The following NRG3 variants were observed in gnomAD, a reference collection of about 807,000 sequenced individuals.
The protein encoded by NRG3 is pro-neuregulin-3, membrane-bound isoform.
In NRG3, 31 loss-of-function variants were observed where a neutral mutation model predicts 66.9. The ratio of observed to expected loss-of-function variants is 0.46; its 90% CI spans 0.35 to 0.63. NRG3 has a LOEUF of 0.63. Among genes scored for constraint, NRG3 ranks in the 20% least tolerant of loss-of-function variants. NRG3 has a pLI of 0.00. For synonymous variants in NRG3, 393 were observed against 359.4 expected (o/e 1.09, Z -1.06); for missense variants, 910 against 878.9 (o/e 1.04, Z -0.45).
At chr10:81,963,790 A>G (rs907316889) in intron 1 of NRG3, among the ~76,000 whole-genome samples, 1 of 152,158 alleles carries the variant, frequency 6.6e-6, no homozygotes, top group Non-Finnish European at 1.5e-5. Context: ...GTGGAGTTAC[A>G]TGCTTTGTTG....
At chr10:82,011,479 A>G (rs1269570122) in intron 1 of NRG3, among the ~76,000 whole-genome samples, 2 of 152,084 alleles carry the variant, frequency 1.3e-5, no homozygotes, top group African/African-American at 2.4e-5. Context: ...TGAAAACACA[A>G]TCATGCCCTT....
chr10:82,117,214 A>G (rs2067782579), intron 1 of NRG3, among the ~76,000 whole-genome samples: 1 of 152,048 alleles, frequency 6.6e-6, no homozygotes, highest in African/African-American at 2.4e-5. Context: ...GATTTTCTCT[A>G]TGAGTTCTCC....
chr10:82,629,553 A>G lies in NRG3; in HGVS notation c.954-109024A>G, dbSNP rs139813111. Among the ~76,000 whole-genome samples the G allele has an allele frequency of 3.7e-3, 570 of 152,322 alleles. 3 individuals carry two copies. Among genetic ancestry groups the G allele is most frequent in the South Asian group, 0.018 (87 of 4,826 alleles). On this transcript the variant is annotated intron_variant, in intron 2 of 8. Coordinates refer to ENST00000372141, the MANE Select transcript of NRG3 (RefSeq NM_001010848.4). ...ATACAGGAGAGACAGAAGTATTTCTATCCATGGTAGAACTTTCTAAGCAAG... is the reference window on the plus strand; with the variant it reads ...ATACAGGAGAGACAGAAGTATTTCTGTCCATGGTAGAACTTTCTAAGCAAG...
At chr10:82,602,218 AAT>A (rs1457429865) in intron 2 of NRG3, among the ~76,000 whole-genome samples, 1 of 151,990 alleles carries the variant, frequency 6.6e-6, no homozygotes. Flanking sequence ...TTTTCCCATT[AAT>A]ATGTTTCTTC....
chr10:82,094,630 G>C (rs557551296), intron 1 of NRG3, among the ~76,000 whole-genome samples: 21 of 152,066 alleles, frequency 1.4e-4, no homozygotes, highest in Non-Finnish European at 2.4e-4. Flanking sequence ...TGTGATGTGT[G>C]TATATATATC....
At chr10:81,898,013 G>A (rs1843680442) in intron 1 of NRG3, among the ~76,000 whole-genome samples, 1 of 152,164 alleles carries the variant, frequency 6.6e-6, no homozygotes, top group Admixed American at 6.5e-5. Flanking sequence ...TAGAGGGAAG[G>A]GTAATGGCAG....
chr10:82,606,398 T>C (rs1247142374), intron 2 of NRG3, among the ~76,000 whole-genome samples: 1 of 152,192 alleles, frequency 6.6e-6, no homozygotes, highest in Non-Finnish European at 1.5e-5. Flanking sequence ...ATGATTTCTG[T>C]TCTTTTAAAT....
chr10:81,982,557 T>C (rs1397643695), intron 1 of NRG3, among the ~76,000 whole-genome samples: 3 of 152,214 alleles, frequency 2.0e-5, no homozygotes, highest in Non-Finnish European at 4.4e-5. Flanking sequence ...ATGTATTTTC[T>C]CATGGTTAGG....
chr10:82,385,633 A>T (rs943150256), intron 2 of NRG3, among the ~76,000 whole-genome samples: 4 of 152,174 alleles, frequency 2.6e-5, no homozygotes, highest in Non-Finnish European at 5.9e-5. Flanking sequence ...GCAATATTTT[A>T]TAGGTAAGTA....
chr10:82,342,178 T>C (rs1200684828), intron 1 of NRG3, among the ~76,000 whole-genome samples: 1 of 151,914 alleles, frequency 6.6e-6, no homozygotes, highest in African/African-American at 2.4e-5. Flanking sequence ...AATGAATACT[T>C]AAGGTGATTC....
intron 3 of NRG3, among the ~76,000 whole-genome samples, chr10:82,752,382 A>G (rs1046634957): frequency 3.3e-5 from 5 of 152,132 alleles, no homozygotes; most frequent in African/African-American, 1.2e-4. Context: ...AAGCTACTGT[A>G]TAAACGTATA....
At chr10:82,683,634 A>G (rs1049186639) in intron 2 of NRG3, among the ~76,000 whole-genome samples, 3 of 152,222 alleles carry the variant, frequency 2.0e-5, no homozygotes, top group Non-Finnish European at 4.4e-5. Flanking sequence ...TTGAAAAACT[A>G]TAAGTAGCAG....
intron 2 of NRG3, among the ~76,000 whole-genome samples, chr10:82,580,594 T>C (rs1400145200): frequency 6.6e-6 from 1 of 152,036 alleles, no homozygotes; most frequent in Non-Finnish European, 1.5e-5. Context: ...TGATATTTTT[T>C]ACTGTCTCTA....
intron 1 of NRG3, among the ~76,000 whole-genome samples, chr10:82,305,244 C>T (rs188292375): frequency 0.012 from 1,821 of 152,132 alleles, 18 homozygotes; most frequent in Non-Finnish European, 0.017. Context: ...ATCCACCTAC[C>T]TTGGCCTCCC....
chr10:82,202,698 C>G (rs1395446883), intron 1 of NRG3, among the ~76,000 whole-genome samples: 1 of 152,106 alleles, frequency 6.6e-6, no homozygotes, highest in Non-Finnish European at 1.5e-5. Context: ...GCTTAAATGT[C>G]AGGATCTCTA....
intron 1 of NRG3, among the ~76,000 whole-genome samples, chr10:82,142,058 A>G (rs920282529): frequency 8.5e-5 from 13 of 152,160 alleles, no homozygotes; most frequent in African/African-American, 3.1e-4. Flanking sequence ...CTCTGAATCA[A>G]TTGTTACAGA....
chr10:81,890,547 G>A lies in NRG3; in HGVS notation c.823+14384G>A, dbSNP rs944752040. Among the ~76,000 whole-genome samples the A allele has an allele frequency of 4.6e-5, 7 of 152,062 alleles. No individual in the cohort carries two copies. In the East Asian group the frequency reaches 5.8e-4, roughly 13 times the overall value. ...TTTGCACTCTCTTGCTCATATCCAC[G>A]TATACAAAAATAAATACATAGTGAA... On this transcript the variant is annotated intron_variant, in intron 1 of 8. Coordinates refer to ENST00000372141, the MANE Select transcript of NRG3 (RefSeq NM_001010848.4).
chr10:81,951,900 A>C (rs1849391189), intron 1 of NRG3, among the ~76,000 whole-genome samples: 1 of 152,238 alleles, frequency 6.6e-6, no homozygotes, highest in African/African-American at 2.4e-5. Flanking sequence ...AGACTGGATT[A>C]AGAAAATGTG....
At chr10:82,123,787 TTAAAAG>T (rs2068247930) in intron 1 of NRG3, among the ~76,000 whole-genome samples, 1 of 149,762 alleles carries the variant, frequency 6.7e-6, no homozygotes, top group Non-Finnish European at 1.5e-5. Context: ...CTGGAAAACC[TTAAAAG>T]GTATAAATGC....
Sources: gnomAD v4.1 joint callset for allele counts (sites outside exome capture counted in the v4.1 genomes callset) on GRCh38, gnomAD v4.1.1 for gene constraint, MANE v1.5 for transcripts, NCBI Gene and HGNC (gene_info 2026-07-23, HGNC 2026-07-21) for gene names.